XKR3: variants seen among roughly 807,000 people sequenced by gnomAD.
XKR3 encodes the protein XK related 3, also known as XK-related protein 3.
In XKR3, 27 loss-of-function variants were observed where a neutral mutation model predicts 40.3. The observed-to-expected ratio is 0.67, with a 90% CI of 0.49 to 0.92. The LOEUF (loss-of-function observed/expected upper bound fraction) is 0.92. Ranked by LOEUF, XKR3 falls within the 40% of genes least tolerant of loss-of-function variation. XKR3 has a pLI of 0.00. For synonymous variants in XKR3, 193 were observed against 195.4 expected (o/e 0.99, Z 0.10); for missense variants, 472 against 537.6 (o/e 0.88, Z 1.21).
At chr22:16,798,905 T>C (rs2060154137) in intron 3 of XKR3, among the ~76,000 whole-genome samples, 1 of 152,224 alleles carries the variant, frequency 6.6e-6, no homozygotes, top group African/African-American at 2.4e-5. Flanking sequence ...CTGTGTACTA[T>C]GCTTACTACC....
chr22:16,792,462 A>G (rs1250253978), intron 3 of XKR3, among the ~76,000 whole-genome samples: 1 of 152,222 alleles, frequency 6.6e-6, no homozygotes, highest in Non-Finnish European at 1.5e-5. Context: ...ATTTCCAACT[A>G]TAGATCCTAT....
At chr22:16,808,128 G>T in intron 1 of XKR3, 45 bp from the exon 2 acceptor site, 1 of 1,401,090 alleles carries the variant, frequency 7.1e-7, no homozygotes, top group Non-Finnish European at 9.7e-7. Context: ...GTAGAGTTCA[G>T]TATTAAATTT....
At position 16,791,778 on chromosome 22, in the gene XKR3, GGAGAGAGAGA is replaced by G. The variant is rs763159994; in HGVS notation, c.590-7379_590-7370del. ...GAGAGAGGGAGAGAGGGAGAGAGAG[GGAGAGAGAGA>G]GAGAGAGAGAGAGAGAGAGAGAGAA... On this transcript the variant is annotated intron_variant, in intron 3 of 3. Transcript: ENST00000684488. Among the ~76,000 whole-genome samples, 1,113 of 123,174 alleles carry G rather than the reference GGAGAGAGAGA, an allele frequency of 9.0e-3. 10 individuals carry two copies. Among genetic ancestry groups the G allele is most frequent in the African/African-American group, 0.031 (1,020 of 32,446 alleles). 80.8% of individuals were successfully genotyped at this position (123,174 alleles called of 152,430 possible).
At chr22:16,789,332 A>G (rs1423237676) in intron 3 of XKR3, among the ~76,000 whole-genome samples, 2 of 152,200 alleles carry the variant, frequency 1.3e-5, no homozygotes, top group Non-Finnish European at 2.9e-5. Context: ...CAAAATCAAC[A>G]TATAAATTAA....
At chr22:16,792,331 G>T (rs2060123856) in intron 3 of XKR3, among the ~76,000 whole-genome samples, 1 of 152,102 alleles carries the variant, frequency 6.6e-6, no homozygotes, top group Admixed American at 6.5e-5. Context: ...TATGAACCTT[G>T]TTAAAAAAAT....
At chr22:16,789,322 C>A (rs2060104125) in intron 3 of XKR3, among the ~76,000 whole-genome samples, 1 of 151,940 alleles carries the variant, frequency 6.6e-6, no homozygotes, top group Non-Finnish European at 1.5e-5. Context: ...TTTCAGTTTA[C>A]AAAATCAACA....
intron 2 of XKR3, among the ~76,000 whole-genome samples, chr22:16,803,171 C>A (rs1229762412): frequency 1.3e-5 from 2 of 151,960 alleles, no homozygotes; most frequent in African/African-American, 4.8e-5. Flanking sequence ...TCCACTTTTG[C>A]ATATACTTGT....
chr22:16,819,302 G>C (rs1467761687), intron 1 of XKR3, among the ~76,000 whole-genome samples: 2 of 152,176 alleles, frequency 1.3e-5, no homozygotes, highest in Admixed American at 6.5e-5. Flanking sequence ...GGATAGCTAA[G>C]ACAATTTTGA....
chr22:16,792,473 C>T (rs1342518841), intron 3 of XKR3, among the ~76,000 whole-genome samples: 1 of 152,188 alleles, frequency 6.6e-6, no homozygotes, highest in Non-Finnish European at 1.5e-5. Flanking sequence ...TAGATCCTAT[C>T]CCATGGGATA....
chr22:16,819,089 G>C (rs749718582), intron 1 of XKR3, among the ~76,000 whole-genome samples: 23 of 151,856 alleles, frequency 1.5e-4, no homozygotes, highest in Non-Finnish European at 3.1e-4. Context: ...AAAAAAAACA[G>C]GTATGGGCTG....
At chr22:16,808,110 T>C in intron 1 of XKR3, 27 bp from the exon 2 acceptor site, 1 of 1,516,324 alleles carries the variant, frequency 6.6e-7, no homozygotes, top group Non-Finnish European at 8.9e-7. Flanking sequence ...GTCTTGTCAG[T>C]GAATCCAGTA....
At chr22:16,796,154 A>G (rs2060139560) in intron 3 of XKR3, among the ~76,000 whole-genome samples, 1 of 152,186 alleles carries the variant, frequency 6.6e-6, no homozygotes, top group African/African-American at 2.4e-5. Context: ...CTAAATCAAG[A>G]AGAGATTGAA....
chr22:16,805,148 T>C (rs1185141063), intron 2 of XKR3, among the ~76,000 whole-genome samples: 1 of 152,150 alleles, frequency 6.6e-6, no homozygotes, highest in African/African-American at 2.4e-5. Context: ...TGAAACTACC[T>C]CTATTCAAGA....
Position 16,807,803 on chromosome 22 carries a change from C to A in XKR3, c.271G>T (p.Asp91Tyr). Residue 91 changes from aspartate to tyrosine, a missense_variant, in exon 2 of 4, where the codon GAC (aspartate) becomes TAC (tyrosine). Coordinates refer to ENST00000684488, the MANE Select transcript of XKR3 (RefSeq NM_001386955.1). The part of the protein sequence containing the change: ...DQIILMFFNK[D>Y]LRRNKAALLF... ...AATGCAGCCTTATTTCTCCTCAAGTCTTTGTTGAAAAACATCAGGATAATT... is the reference window on the plus strand; with the variant it reads ...AATGCAGCCTTATTTCTCCTCAAGTATTTGTTGAAAAACATCAGGATAATT... The A allele has an allele frequency of 6.2e-7, 1 of 1,613,704 alleles. No homozygotes were observed. The highest frequency in any genetic ancestry group is 8.5e-7 in the Non-Finnish European group (1 of 1,179,784).
chr22:16,808,098 T>C lies in XKR3; in HGVS notation c.-10-15A>G, dbSNP rs2072467. On this transcript the variant is annotated splice_polypyrimidine_tract_variant and intron_variant, in intron 1 of 3. Transcript: ENST00000684488. ...TTCTCAGGGTGCTGCTAATTCAAAG[T>C]CGTCTTGTCAGTGAATCCAGTAGAG... 0.055 allele frequency: 85,494 copies of C among 1,556,560 alleles called. 2,595 individuals carry two copies. The highest frequency in any genetic ancestry group is 0.079 in the South Asian group (6,451 of 81,944).
chr22:16,807,796 C>T lies in XKR3; in HGVS notation c.278G>A (p.Arg93Lys). ...IILMFFNKDL[R>K]RNKAALLFWH... ...AAAAAGTAATGCAGCCTTATTTCTC[C>T]TCAAGTCTTTGTTGAAAAACATCAG... Residue 93 changes from arginine to lysine, a missense_variant, in exon 2 of 4, where the codon AGG becomes AAG. Coordinates refer to ENST00000684488, the MANE Select transcript of XKR3 (RefSeq NM_001386955.1). The T allele has an allele frequency of 6.2e-7, 1 of 1,613,518 alleles. No homozygotes were observed. Among genetic ancestry groups the T allele is most frequent in the Non-Finnish European group, 8.5e-7 (1 of 1,179,648 alleles).
At chr22:16,807,598 T>C (rs1281300976) in intron 2 of XKR3, 141 bp downstream of exon 2, 3 of 825,920 alleles carry the variant, frequency 3.6e-6, no homozygotes, top group Non-Finnish European at 5.6e-6. Flanking sequence ...GTTACGAAAG[T>C]GTGAAAACTA....
intron 2 of XKR3, among the ~76,000 whole-genome samples, chr22:16,800,369 G>T (rs528121895): frequency 1.3e-5 from 2 of 152,214 alleles, no homozygotes; most frequent in South Asian, 4.1e-4. Context: ...TTTTTCTAAT[G>T]CGTTAATATT....
At chr22:16,786,931 G>A (rs1301082599) in intron 3 of XKR3, among the ~76,000 whole-genome samples, 1 of 152,162 alleles carries the variant, frequency 6.6e-6, no homozygotes, top group Middle Eastern at 3.2e-3. Flanking sequence ...ACCCGAAAGA[G>A]ATGGGCATGG....
Sources: gnomAD v4.1 joint callset for allele counts (sites outside exome capture counted in the v4.1 genomes callset) on GRCh38, gnomAD v4.1.1 for gene constraint, MANE v1.5 for transcripts, NCBI Gene and HGNC (gene_info 2026-07-23, HGNC 2026-07-21) for gene names.